MED12L: variants seen among roughly 807,000 people sequenced by gnomAD.
MED12L encodes the protein mediator complex subunit 12L.
In MED12L, 60 loss-of-function variants were observed where a neutral mutation model predicts 281.3. That is an observed-to-expected ratio of 0.21 (90% CI 0.17 to 0.26). The LOEUF is 0.26. Ranked by LOEUF, MED12L falls within the 10% of genes least tolerant of loss-of-function variation. MED12L has a pLI of 1.00. For synonymous variants in MED12L, 974 were observed against 987.2 expected (o/e 0.99, Z 0.25); for missense variants, 2,146 against 2,680.9 (o/e 0.80, Z 4.41).
chr3:151,383,295 A>G (rs10935840), intron 33 of MED12L, among the ~76,000 whole-genome samples: 46,387 of 152,116 alleles, frequency 0.3, 7,814 homozygotes, highest in Non-Finnish European at 0.38. Context: ...CCTTGTCCCA[A>G]CACGTGAACT....
intron 27 of MED12L, among the ~76,000 whole-genome samples, chr3:151,375,234 C>A (rs1756684526): frequency 6.6e-6 from 1 of 152,108 alleles, no homozygotes; most frequent in Admixed American, 6.5e-5. Flanking sequence ...TTATAAAGAT[C>A]CCAGGTAATT....
At chr3:151,371,051 C>T (rs1179409923) in intron 26 of MED12L, among the ~76,000 whole-genome samples, 1 of 152,240 alleles carries the variant, frequency 6.6e-6, no homozygotes, top group African/African-American at 2.4e-5. Flanking sequence ...GAAGGCCTGG[C>T]ACAGACTCTC....
intron 16 of MED12L, chr3:151,338,353 T>G: frequency 6.2e-7 from 1 of 1,614,154 alleles, no homozygotes; most frequent in East Asian, 2.2e-5. Context: ...CTCGGCTGCC[T>G]GTTGGTCAGA....
chr3:151,127,450 C>G (rs978519212), intron 4 of MED12L, among the ~76,000 whole-genome samples: 2 of 152,170 alleles, frequency 1.3e-5, no homozygotes, highest in Non-Finnish European at 2.9e-5. Flanking sequence ...TCTGTCCCTT[C>G]CAATTTTGAG....
intron 16 of MED12L, among the ~76,000 whole-genome samples, chr3:151,266,669 A>C (rs918602304): frequency 6.6e-6 from 1 of 152,186 alleles, no homozygotes; most frequent in African/African-American, 2.4e-5. Context: ...TGATATGAAC[A>C]TATCAGTGGA....
intron 2 of MED12L, among the ~76,000 whole-genome samples, chr3:151,110,937 C>T (rs535799569): frequency 9.2e-5 from 14 of 152,252 alleles, no homozygotes; most frequent in South Asian, 8.3e-4. Flanking sequence ...ATGGAAACCC[C>T]GGTTTTCTAG....
chr3:151,373,856 T>A (rs1756492457), intron 27 of MED12L, among the ~76,000 whole-genome samples: 1 of 152,202 alleles, frequency 6.6e-6, no homozygotes, highest in Admixed American at 6.6e-5. Flanking sequence ...CCCTTGGTTC[T>A]ATTTAGCAGA....
intron 16 of MED12L, among the ~76,000 whole-genome samples, chr3:151,234,417 A>G (rs1732318650): frequency 6.6e-6 from 1 of 152,250 alleles, no homozygotes; most frequent in African/African-American, 2.4e-5. Flanking sequence ...AATCGAGGTC[A>G]TTGCCAGTTT....
chr3:151,409,700 T>G (rs1716738712), intron 40 of MED12L, among the ~76,000 whole-genome samples: 1 of 152,216 alleles, frequency 6.6e-6, no homozygotes, highest in South Asian at 2.1e-4. Flanking sequence ...GGCTCATGCC[T>G]GTAATCTGCA....
intron 16 of MED12L, chr3:151,300,208 A>T: frequency 1.2e-6 from 1 of 810,618 alleles, no homozygotes; most frequent in Non-Finnish European, 2.2e-6. Context: ...TCTGGGGAGA[A>T]AATGAAAAAT....
chr3:151,402,101 G>A (rs564664154), intron 39 of MED12L, among the ~76,000 whole-genome samples: 110 of 152,290 alleles, frequency 7.2e-4, no homozygotes, highest in Non-Finnish European at 1.2e-3. Flanking sequence ...GTAAAATGGT[G>A]AGAATAGGTA....
chr3:151,428,596 C>T lies in MED12L; in HGVS notation c.6409-1703C>T, dbSNP rs1303948037. ...TATTACAGATACATCAGTAGGTATG[C>T]CAAGCCCTTGTCTTTCAGTCACTCA... On this transcript the variant is annotated intron_variant, in intron 43 of 44. Coordinates refer to ENST00000687756, the MANE Select transcript of MED12L (RefSeq NM_001393769.1). Among the ~76,000 whole-genome samples the T allele has an allele frequency of 2.6e-5, 4 of 152,294 alleles. No individual in the cohort carries two copies. The East Asian group carries it at 7.7e-4, about 29-fold the overall frequency.
At chr3:151,343,360 A>G (rs1318056783) in intron 16 of MED12L, among the ~76,000 whole-genome samples, 2 of 152,190 alleles carry the variant, frequency 1.3e-5, no homozygotes, top group Non-Finnish European at 2.9e-5. Context: ...CTAACAGTAG[A>G]GATTTGAGGG....
intron 16 of MED12L, among the ~76,000 whole-genome samples, chr3:151,308,425 T>A (rs1209468535): frequency 6.6e-6 from 1 of 152,146 alleles, no homozygotes; most frequent in East Asian, 1.9e-4. Context: ...GGATCATTTA[T>A]GTAAGAGGCT....
intron 16 of MED12L, chr3:151,198,194 A>AAT: frequency 2.7e-6 from 1 of 374,306 alleles, no homozygotes; most frequent in African/African-American, 2.1e-5. Flanking sequence ...GTTCAATGAG[A>AAT]CTCTTTAGTT....
chr3:151,165,718 G>C (rs1437071996), intron 10 of MED12L, 128 bp from the exon 11 acceptor site: 1 of 1,070,164 alleles, frequency 9.3e-7, no homozygotes, highest in Non-Finnish European at 1.4e-6. Flanking sequence ...ATGATTGTTT[G>C]ATAACATATG....
intron 37 of MED12L, among the ~76,000 whole-genome samples, chr3:151,388,766 A>G (rs1713803643): frequency 6.6e-6 from 1 of 152,194 alleles, no homozygotes; most frequent in Admixed American, 6.5e-5. Flanking sequence ...AGTGTTCCCC[A>G]CGTATAATAA....
intron 43 of MED12L, among the ~76,000 whole-genome samples, chr3:151,424,377 T>C (rs1203003282): frequency 6.6e-6 from 1 of 152,088 alleles, no homozygotes; most frequent in Non-Finnish European, 1.5e-5. Context: ...TCCCAGCACT[T>C]TGGGAGGCTG....
At chr3:151,165,358 A>C in intron 9 of MED12L, 62 bp from the exon 10 acceptor site, 2 of 1,350,590 alleles carry the variant, frequency 1.5e-6, no homozygotes, top group South Asian at 2.4e-5. Flanking sequence ...AAAACCTGAC[A>C]TGATTTAGAC....
Sources: allele counts gnomAD v4.1 joint callset (sites outside exome capture counted in the v4.1 genomes callset), GRCh38; gene constraint gnomAD v4.1.1; transcripts MANE v1.5; gene names NCBI Gene and HGNC (gene_info 2026-07-23, HGNC 2026-07-21).